LTBP1: variants seen among roughly 807,000 people sequenced by gnomAD.
The protein encoded by LTBP1 is latent transforming growth factor beta binding protein 1, also known as latent-transforming growth factor beta-binding protein 1.
In LTBP1, 129 loss-of-function variants were observed where a neutral mutation model predicts 207.6. The observed-to-expected ratio is 0.62, with a 90% CI of 0.54 to 0.72. The LOEUF is 0.72. Among genes scored for constraint, LTBP1 ranks in the 30% least tolerant of loss-of-function variants. LTBP1 has a pLI of 0.00. For synonymous variants in LTBP1, 963 were observed against 833.7 expected (o/e 1.16, Z -2.67); for missense variants, 2,281 against 2,217.2 (o/e 1.03, Z -0.58).
chr2:33,101,510 C>T (rs534116304), intron 3 of LTBP1, among the ~76,000 whole-genome samples: 1 of 152,206 alleles, frequency 6.6e-6, no homozygotes, highest in East Asian at 1.9e-4. Flanking sequence ...ATGTTATTAC[C>T]CTTATATCAC....
chr2:33,048,887 G>A (rs903123410), intron 3 of LTBP1, among the ~76,000 whole-genome samples: 2 of 152,146 alleles, frequency 1.3e-5, no homozygotes, highest in African/African-American at 4.8e-5. Context: ...ACTGTTGAAT[G>A]TGAGTTAAGA....
intron 3 of LTBP1, among the ~76,000 whole-genome samples, chr2:33,091,369 C>T (rs576625026): frequency 5.4e-4 from 82 of 152,160 alleles, no homozygotes; most frequent in African/African-American, 1.9e-3. Context: ...AACAGAGACC[C>T]TTTGAGTTCT....
chr2:33,092,197 GCACACA>G (rs908762240), intron 3 of LTBP1, among the ~76,000 whole-genome samples: 1 of 150,716 alleles, frequency 6.6e-6, no homozygotes, highest in Non-Finnish European at 1.5e-5. Context: ...ACACACACGC[GCACACA>G]CACACACACA....
At chr2:32,999,538 C>T (rs219168) in intron 2 of LTBP1, among the ~76,000 whole-genome samples, 115,853 of 132,166 alleles carry the variant, frequency 0.88, 54,380 homozygotes, top group East Asian at 1. Flanking sequence ...TCCACCATCC[C>T]AGAATGTGAC....
intron 24 of LTBP1, among the ~76,000 whole-genome samples, chr2:33,316,422 C>T (rs1198304202): frequency 1.3e-5 from 2 of 152,188 alleles, no homozygotes; most frequent in Non-Finnish European, 2.9e-5. Flanking sequence ...GTGCCAGCAA[C>T]CAGGTTCATC....
intron 7 of LTBP1, among the ~76,000 whole-genome samples, chr2:33,193,547 C>T (rs1041309986): frequency 2.6e-5 from 4 of 152,292 alleles, no homozygotes; most frequent in South Asian, 2.1e-4. Flanking sequence ...ACCTCACTTC[C>T]ACTCTTTGTA....
chr2:33,306,948 C>T (rs1369354349), intron 22 of LTBP1, among the ~76,000 whole-genome samples: 6 of 152,040 alleles, frequency 3.9e-5, no homozygotes, highest in Non-Finnish European at 4.4e-5. Context: ...ATCAGTTGGG[C>T]GTGGTGGTGG....
At chr2:32,980,776 G>A (rs1682641107) in intron 2 of LTBP1, among the ~76,000 whole-genome samples, 1 of 152,104 alleles carries the variant, frequency 6.6e-6, no homozygotes, top group South Asian at 2.1e-4. Flanking sequence ...TGGTGTTGAT[G>A]AAATCAGCTT....
intron 15 of LTBP1, among the ~76,000 whole-genome samples, chr2:33,272,561 A>G (rs1234203911): frequency 6.6e-6 from 1 of 152,242 alleles, no homozygotes; most frequent in Non-Finnish European, 1.5e-5. Flanking sequence ...ATAATATGCC[A>G]GGCATTGGCT....
intron 3 of LTBP1, among the ~76,000 whole-genome samples, chr2:33,095,535 T>C (rs994104761): frequency 1.3e-5 from 2 of 152,094 alleles, no homozygotes; most frequent in African/African-American, 2.4e-5. Flanking sequence ...CAAAATAATA[T>C]TCATGAAATA....
At chr2:33,068,385 A>G (rs2077623283) in intron 3 of LTBP1, among the ~76,000 whole-genome samples, 1 of 152,064 alleles carries the variant, frequency 6.6e-6, no homozygotes, top group Admixed American at 6.5e-5. Flanking sequence ...TCCATTATCT[A>G]TTACCACTCC....
chr2:33,026,300 C>T (rs2075411155), intron 3 of LTBP1, among the ~76,000 whole-genome samples: 1 of 152,118 alleles, frequency 6.6e-6, no homozygotes, highest in Non-Finnish European at 1.5e-5. Flanking sequence ...CTCTTGTGTG[C>T]TTTCCTGTAC....
At chr2:33,365,794 A>T (rs12105856) in intron 31 of LTBP1, among the ~76,000 whole-genome samples, 1 of 152,156 alleles carries the variant, frequency 6.6e-6, no homozygotes, top group Non-Finnish European at 1.5e-5. Flanking sequence ...GCATAGGCTT[A>T]GAATTTATAT....
At chr2:33,324,491 T>A (rs929376345) in intron 24 of LTBP1, among the ~76,000 whole-genome samples, 3 of 152,060 alleles carry the variant, frequency 2.0e-5, no homozygotes, top group African/African-American at 7.2e-5. Flanking sequence ...GAACACATCC[T>A]CCACCAATGA....
At position 33,181,360 on chromosome 2, in the gene LTBP1, GTCAGCC is replaced by G. The variant is rs1192024703; in HGVS notation, c.1202-5495_1202-5490del. 3.9e-5 allele frequency among the ~76,000 whole-genome samples: 6 copies of G among 152,298 alleles called. No homozygotes were observed. The East Asian group carries it at 5.8e-4, about 15-fold the overall frequency. ...TGGCACAGAATGTGAATATTATTCT[GTCAGCC>G]CAATTACTTGAGTACTGCAAGTTGT... On this transcript the variant is annotated intron_variant, in intron 5 of 33. Transcript: ENST00000404816.
At chr2:33,093,411 A>G (rs1170998312) in intron 3 of LTBP1, among the ~76,000 whole-genome samples, 6 of 150,332 alleles carry the variant, frequency 4.0e-5, no homozygotes, top group African/African-American at 1.5e-4. Context: ...GAAACAGTTG[A>G]AAAAAAATTA....
chr2:33,082,085 T>C (rs756371000), intron 3 of LTBP1, among the ~76,000 whole-genome samples: 69 of 152,322 alleles, frequency 4.5e-4, no homozygotes, highest in Non-Finnish European at 5.4e-4. Flanking sequence ...AGGTGGGATC[T>C]TTAAGAGGTG....
Position 33,006,729 on chromosome 2 carries a change from G to T in LTBP1, c.566-14180G>T, listed in dbSNP as rs79927464. Among the ~76,000 whole-genome samples, 601 of 111,014 alleles carry T rather than the reference G, an allele frequency of 5.4e-3. 7 individuals carry two copies. The highest frequency in any genetic ancestry group is 0.017 in the African/African-American group (587 of 33,886). 72.8% of individuals were successfully genotyped at this position (111,014 alleles called of 152,430 possible). ...TTTAAATTTTATATGTTACTGCTTG[G>T]AAAACAGAGCTTTGCTTGTTCCTTT... is the stretch of plus-strand genomic sequence containing the variant. On this transcript the variant is annotated intron_variant, in intron 2 of 33. Transcript: ENST00000404816.
At chr2:33,069,966 T>C (rs1307926486) in intron 3 of LTBP1, among the ~76,000 whole-genome samples, 4 of 152,184 alleles carry the variant, frequency 2.6e-5, no homozygotes, top group Non-Finnish European at 4.4e-5. Flanking sequence ...AAGTGACTCA[T>C]GGATGTGACT....
Sources: allele counts gnomAD v4.1 joint callset (sites outside exome capture counted in the v4.1 genomes callset), GRCh38; gene constraint gnomAD v4.1.1; transcripts MANE v1.5; gene names NCBI Gene and HGNC (gene_info 2026-07-23, HGNC 2026-07-21).